Variants in DPP10 observed in about 807,000 individuals in gnomAD.
DPP10 encodes the protein dipeptidyl peptidase like 10.
A neutral mutation model predicts 120.9 loss-of-function variants in DPP10; 33 were observed. The observed-to-expected ratio is 0.27, with a 90% CI of 0.21 to 0.37. The LOEUF is 0.37. Ranked by LOEUF, DPP10 falls within the 10% of genes least tolerant of loss-of-function variation. DPP10 has a pLI of 1.00. For synonymous variants in DPP10, 337 were observed against 326.1 expected (o/e 1.03, Z -0.36); for missense variants, 816 against 942.8 (o/e 0.87, Z 1.76).
intron 1 of DPP10, among the ~76,000 whole-genome samples, chr2:114,612,321 T>A (rs936248417): frequency 9.2e-5 from 14 of 152,170 alleles, no homozygotes; most frequent in Non-Finnish European, 1.9e-4. Flanking sequence ...AAATCATCTC[T>A]AGCCTCAACT....
chr2:114,568,509 TG>T (rs1452914190), intron 1 of DPP10, among the ~76,000 whole-genome samples: 2 of 152,330 alleles, frequency 1.3e-5, no homozygotes, highest in East Asian at 3.9e-4. Flanking sequence ...CAACAATTTG[TG>T]GCTCTAGTCC....
chr2:115,515,924 C>T (rs2077482007), intron 4 of DPP10, among the ~76,000 whole-genome samples: 1 of 152,020 alleles, frequency 6.6e-6, no homozygotes, highest in Admixed American at 6.6e-5. Context: ...CACCTTCTTC[C>T]AGCCTTAGGA....
At chr2:115,585,643 A>G (rs919324892) in intron 5 of DPP10, among the ~76,000 whole-genome samples, 2 of 152,174 alleles carry the variant, frequency 1.3e-5, no homozygotes, top group Admixed American at 6.5e-5. Flanking sequence ...GTCCACAGTT[A>G]TGTGAGCTTT....
At chr2:114,774,137 T>A (rs1019196747) in intron 1 of DPP10, among the ~76,000 whole-genome samples, 18 of 152,042 alleles carry the variant, frequency 1.2e-4, no homozygotes, top group Non-Finnish European at 2.9e-5. Flanking sequence ...GCACTGTGGG[T>A]TGTATTCTGT....
chr2:114,918,942 TA>T (rs1695002066), intron 1 of DPP10, among the ~76,000 whole-genome samples: 1 of 120,710 alleles, frequency 8.3e-6, no homozygotes, highest in African/African-American at 3.2e-5. Flanking sequence ...CCCCCGAACC[TA>T]AAAAAAAGAA....
At chr2:115,699,045 A>AAAAAAAAAAAAAAAG (rs1258572623) in intron 7 of DPP10, among the ~76,000 whole-genome samples, 1 of 142,304 alleles carries the variant, frequency 7.0e-6, no homozygotes, top group African/African-American at 2.5e-5. Flanking sequence ...ACAAAAAAAA[A>AAAAAAAAAAAAAAAG]AAAACAAGAG....
At chr2:115,433,670 A>G (rs751142394) in intron 3 of DPP10, among the ~76,000 whole-genome samples, 12 of 151,970 alleles carry the variant, frequency 7.9e-5, no homozygotes, top group Admixed American at 2.0e-4. Flanking sequence ...GCTGCTCTCT[A>G]CACTAGAACT....
At chr2:115,757,781 A>ATTCAT (rs71394166) in intron 11 of DPP10, among the ~76,000 whole-genome samples, 1 of 151,164 alleles carries the variant, frequency 6.6e-6, no homozygotes, top group Non-Finnish European at 1.5e-5. Context: ...AATCAATATA[A>ATTCAT]TATATTAAGA....
intron 1 of DPP10, among the ~76,000 whole-genome samples, chr2:114,751,627 G>T (rs1679231715): frequency 6.6e-6 from 1 of 152,172 alleles, no homozygotes; most frequent in African/African-American, 2.4e-5. Flanking sequence ...AAGCACAATG[G>T]CGTTCACCAA....
chr2:114,488,917 A>G (rs1459110423), intron 1 of DPP10, among the ~76,000 whole-genome samples: 1 of 152,226 alleles, frequency 6.6e-6, no homozygotes, highest in Non-Finnish European at 1.5e-5. Flanking sequence ...TGATCATGCT[A>G]AGTAATTTTA....
chr2:115,022,696 A>T (rs1009953025), intron 1 of DPP10, among the ~76,000 whole-genome samples: 5 of 152,264 alleles, frequency 3.3e-5, no homozygotes, highest in African/African-American at 1.2e-4. Context: ...TAACCAAAGC[A>T]GGACTAAGCA....
At chr2:115,589,838 A>G (rs757096266) in intron 5 of DPP10, among the ~76,000 whole-genome samples, 1 of 152,178 alleles carries the variant, frequency 6.6e-6, no homozygotes, top group Non-Finnish European at 1.5e-5. Flanking sequence ...ATTTTCCAGT[A>G]TTACAATGGA....
chr2:114,497,123 G>A (rs548245101), intron 1 of DPP10, among the ~76,000 whole-genome samples: 90 of 147,938 alleles, frequency 6.1e-4, no homozygotes, highest in African/African-American at 2.0e-3. Flanking sequence ...ACATGCACAC[G>A]TGTATACATG....
intron 1 of DPP10, among the ~76,000 whole-genome samples, chr2:114,761,357 A>G (rs969994590): frequency 1.3e-5 from 2 of 152,182 alleles, no homozygotes; most frequent in Admixed American, 6.5e-5. Context: ...GAGTCTTATG[A>G]GCAAAAGCAT....
At chr2:114,812,042 A>G (rs1048359905) in intron 1 of DPP10, among the ~76,000 whole-genome samples, 7 of 152,116 alleles carry the variant, frequency 4.6e-5, no homozygotes, top group Non-Finnish European at 1.0e-4. Context: ...TCCAACCTGA[A>G]GTCAGATCTG....
chr2:115,395,478 G>A (rs1043702154), intron 3 of DPP10, among the ~76,000 whole-genome samples: 4 of 152,136 alleles, frequency 2.6e-5, no homozygotes, highest in Non-Finnish European at 5.9e-5. Flanking sequence ...AGACGTCAAT[G>A]CTAAACAGCC....
At chr2:115,076,964 G>A (rs1423219641) in intron 1 of DPP10, among the ~76,000 whole-genome samples, 2 of 152,188 alleles carry the variant, frequency 1.3e-5, no homozygotes, top group Non-Finnish European at 2.9e-5. Flanking sequence ...TCCAATAGCA[G>A]TGTATGAGAG....
At chr2:114,969,324 G>A (rs547505312) in intron 1 of DPP10, among the ~76,000 whole-genome samples, 2 of 152,276 alleles carry the variant, frequency 1.3e-5, no homozygotes, top group East Asian at 3.9e-4. Context: ...ACTTGTTTTG[G>A]AAGAGCATTA....
rs537585421 is a variant in DPP10, at chr2:114,960,907, G to A, written c.61-348332G>A. On this transcript the variant is annotated intron_variant, in intron 1 of 25. Transcript: ENST00000410059. ...ATATAGCTTAAATATAACAATGGTT[G>A]ATATTCTATGAAAAATAGACAACAA... Among the ~76,000 whole-genome samples, 15 of 151,784 alleles carry A rather than the reference G, an allele frequency of 9.9e-5. No individual in the cohort carries two copies. The South Asian group carries it at 3.1e-3, about 32-fold the overall frequency.
Sources: allele counts gnomAD v4.1 joint callset (sites outside exome capture counted in the v4.1 genomes callset), GRCh38; gene constraint gnomAD v4.1.1; transcripts MANE v1.5; gene names NCBI Gene and HGNC (gene_info 2026-07-23, HGNC 2026-07-21).